Variants in ARHGAP26 observed in about 807,000 individuals in gnomAD.
The protein encoded by ARHGAP26 is Rho GTPase activating protein 26.
ARHGAP26 carries 38 observed loss-of-function variants against 104.8 expected under a neutral mutation model. The ratio of observed to expected loss-of-function variants is 0.36; its 90% CI spans 0.28 to 0.48. The LOEUF is 0.48. Among genes scored for constraint, ARHGAP26 ranks in the 20% least tolerant of loss-of-function variants. The pLI, the probability that ARHGAP26 is intolerant of heterozygous loss-of-function variation, is 0.99. For synonymous variants in ARHGAP26, 341 were observed against 340.0 expected, an observed-to-expected ratio of 1.00 and a Z score of -0.03; for missense variants, 704 against 947.9, an observed-to-expected ratio of 0.74 and a Z score of 3.38.
intron 18 of ARHGAP26, among the ~76,000 whole-genome samples, chr5:143,128,847 G>A (rs1323345613): frequency 6.6e-6 from 1 of 152,190 alleles, no homozygotes; most frequent in Non-Finnish European, 1.5e-5. Context: ...CTCTGCTGTT[G>A]ATTTATTGTC....
chr5:143,121,607 A>G (rs1599110240), intron 18 of ARHGAP26, among the ~76,000 whole-genome samples: 1 of 152,100 alleles, frequency 6.6e-6, no homozygotes, highest in Admixed American at 6.5e-5. Flanking sequence ...ATTTTGACCT[A>G]TAGTTTGTCT....
At chr5:143,101,029 G>C (rs1346118411) in intron 17 of ARHGAP26, among the ~76,000 whole-genome samples, 2 of 152,152 alleles carry the variant, frequency 1.3e-5, no homozygotes, top group African/African-American at 4.8e-5. Context: ...GGAGGCGGAG[G>C]TTGCAGTGAA....
rs187905852 is a variant in ARHGAP26 at position 143,026,186 on chromosome 5, C to T, written c.1145-11010C>T. Among the ~76,000 whole-genome samples, 8 of 152,278 alleles carry T rather than the reference C, an allele frequency of 5.3e-5. No homozygotes were observed. The East Asian group carries it at 5.8e-4, about 11-fold the overall frequency. On this transcript the variant is annotated intron_variant, in intron 12 of 22. Coordinates refer to ENST00000645722, the MANE Select transcript of ARHGAP26 (RefSeq NM_001135608.3). ...TGTGGAGACTTTTGGCCTGTCGGCT[C>T]CTTGTGTTTTCAGCTGGTGAAAACA...
At chr5:143,006,119 A>T (rs902685032) in intron 11 of ARHGAP26, among the ~76,000 whole-genome samples, 1 of 152,192 alleles carries the variant, frequency 6.6e-6, no homozygotes, top group African/African-American at 2.4e-5. Flanking sequence ...AAGCCAAATA[A>T]GATAAATCTG....
intron 1 of ARHGAP26, among the ~76,000 whole-genome samples, chr5:142,862,773 A>G (rs771421077): frequency 1.3e-5 from 2 of 152,208 alleles, no homozygotes; most frequent in African/African-American, 2.4e-5. Context: ...AACCTCTTCC[A>G]AGAAGGTCTG....
intron 1 of ARHGAP26, among the ~76,000 whole-genome samples, chr5:142,844,148 T>A (rs1355481014): frequency 6.6e-6 from 1 of 151,590 alleles, no homozygotes; most frequent in Admixed American, 6.6e-5. Context: ...ACTTCTGGGT[T>A]TGAGCGATTC....
chr5:143,040,107 G>C (rs935596817), intron 13 of ARHGAP26, among the ~76,000 whole-genome samples: 4 of 152,192 alleles, frequency 2.6e-5, no homozygotes, highest in Non-Finnish European at 4.4e-5. Flanking sequence ...TCCCGGGAAA[G>C]CACAAGGATA....
chr5:142,934,797 G>T (rs1765189525), intron 11 of ARHGAP26, among the ~76,000 whole-genome samples: 1 of 150,036 alleles, frequency 6.7e-6, no homozygotes. Flanking sequence ...GTTAATTTTA[G>T]TTTCTGTTCT....
At position 142,879,461 on chromosome 5, in the gene ARHGAP26, G is replaced by A. The variant is rs747220418; in HGVS notation, c.384+16G>A. On this transcript the variant is annotated intron_variant, in intron 4 of 22. Coordinates refer to ENST00000645722, the MANE Select transcript of ARHGAP26 (RefSeq NM_001135608.3). ...GGCTGCCAAGGTGAGAATTTTGCAA[G>A]CTTTGGTCTGGATTTTAGGGTGAGA... 11 of 1,606,106 alleles carry A rather than the reference G, an allele frequency of 6.8e-6. No individual in the cohort carries two copies. The Middle Eastern group carries it at 1.0e-3, about 145-fold the overall frequency.
At chr5:142,852,324 A>G (rs1020131367) in intron 1 of ARHGAP26, among the ~76,000 whole-genome samples, 1 of 152,204 alleles carries the variant, frequency 6.6e-6, no homozygotes, top group Non-Finnish European at 1.5e-5. Flanking sequence ...AGGGGACCTC[A>G]TTGTCCTCTG....
chr5:143,135,492 CT>C (rs1489624062), intron 19 of ARHGAP26, among the ~76,000 whole-genome samples: 1 of 152,142 alleles, frequency 6.6e-6, no homozygotes, highest in Non-Finnish European at 1.5e-5. Flanking sequence ...GGATTGGTAT[CT>C]TTCTTTTTGT....
At chr5:142,800,660 C>T (rs1761916994) in intron 1 of ARHGAP26, among the ~76,000 whole-genome samples, 1 of 152,180 alleles carries the variant, frequency 6.6e-6, no homozygotes, top group Non-Finnish European at 1.5e-5. Context: ...CTGTGCTCAG[C>T]CTCAAGGTCT....
intron 17 of ARHGAP26, among the ~76,000 whole-genome samples, chr5:143,094,018 A>C (rs1791888789): frequency 6.6e-6 from 1 of 151,914 alleles, no homozygotes; most frequent in Admixed American, 6.6e-5. Flanking sequence ...CCTGTTTTTG[A>C]GATTCAGCTC....
intron 12 of ARHGAP26, among the ~76,000 whole-genome samples, chr5:143,024,479 C>G (rs1051775247): frequency 1.1e-4 from 16 of 152,078 alleles, no homozygotes; most frequent in Admixed American, 5.9e-4. Flanking sequence ...GGGCTTCAGC[C>G]AAGAGACAGT....
At chr5:142,849,748 C>CT (rs1411685527) in intron 1 of ARHGAP26, among the ~76,000 whole-genome samples, 1 of 152,182 alleles carries the variant, frequency 6.6e-6, no homozygotes, top group Non-Finnish European at 1.5e-5. Context: ...GCTGGCATCT[C>CT]TAATCTGTAT....
chr5:142,968,093 T>A (rs1447242646), intron 11 of ARHGAP26, among the ~76,000 whole-genome samples: 1 of 152,128 alleles, frequency 6.6e-6, no homozygotes, highest in Non-Finnish European at 1.5e-5. Context: ...CTCCTATTCC[T>A]CCACCACCAT....
At chr5:143,074,337 T>C (rs1016349097) in intron 17 of ARHGAP26, among the ~76,000 whole-genome samples, 5 of 152,238 alleles carry the variant, frequency 3.3e-5, no homozygotes, top group African/African-American at 9.6e-5. Flanking sequence ...TATAGAACTT[T>C]CTCTTCTCTT....
intron 11 of ARHGAP26, among the ~76,000 whole-genome samples, chr5:143,013,799 A>G (rs1779205256): frequency 6.6e-6 from 1 of 152,192 alleles, no homozygotes; most frequent in Non-Finnish European, 1.5e-5. Flanking sequence ...TCTCTTTTCT[A>G]TTTATGTACG....
At chr5:143,051,905 G>A (rs1017687918) in intron 14 of ARHGAP26, among the ~76,000 whole-genome samples, 3 of 152,164 alleles carry the variant, frequency 2.0e-5, no homozygotes, top group Admixed American at 6.5e-5. Flanking sequence ...TTAGAAAAAT[G>A]TACAGTAACA....
Sources: allele counts gnomAD v4.1 joint callset (sites outside exome capture counted in the v4.1 genomes callset), GRCh38; gene constraint gnomAD v4.1.1; transcripts MANE v1.5; gene names NCBI Gene and HGNC (gene_info 2026-07-23, HGNC 2026-07-21).